Variants in MTMR10 observed in about 807,000 individuals in gnomAD.
The protein encoded by MTMR10 is myotubularin related protein 10.
Under a neutral mutation model 88.1 loss-of-function variants are expected in MTMR10, and 56 were observed. The observed-to-expected ratio is 0.64, with a 90% CI of 0.51 to 0.79. The LOEUF (loss-of-function observed/expected upper bound fraction) is 0.79. Among genes scored for constraint, MTMR10 ranks in the 30% least tolerant of loss-of-function variants. The pLI, the probability that MTMR10 is intolerant of heterozygous loss-of-function variation, is 0.00. For synonymous variants in MTMR10, 380 were observed against 340.9 expected (o/e 1.11, Z -1.26); for missense variants, 883 against 924.7 (o/e 0.95, Z 0.58).
chr15:30,987,684 T>A (rs1425616975), intron 2 of MTMR10, among the ~76,000 whole-genome samples: 2 of 99,220 alleles, frequency 2.0e-5, no homozygotes, highest in African/African-American at 5.4e-5. Flanking sequence ...TTAATTCTTT[T>A]TTTTTTTATT....
downstream of MTMR10, chr15:30,937,213 G>T (rs751013259): frequency 6.2e-7 from 1 of 1,614,138 alleles, no homozygotes; most frequent in Non-Finnish European, 8.5e-7. Context: ...GTAGAAGTCT[G>T]CCATGTGGTT....
chr15:30,935,445 AAG>A (rs2062826029), downstream of MTMR10, among the ~76,000 whole-genome samples: 1 of 152,220 alleles, frequency 6.6e-6, no homozygotes, highest in African/African-American at 2.4e-5. Flanking sequence ...ATTTGGAAAA[AAG>A]AAAAACAATA....
the MTMR10 span, chr15:30,927,091 C>A: frequency 1.1e-6 from 1 of 943,260 alleles, no homozygotes; most frequent in Non-Finnish European, 1.3e-6. Flanking sequence ...ACAGGAGGAT[C>A]ACTTGAACTC....
In MTMR10 at chr15:30,959,029, C is replaced by G. The variant is rs751127411; in HGVS notation, c.846+5G>C. The G allele has an allele frequency of 1.9e-6, 3 of 1,613,734 alleles. No individual in the cohort carries two copies. The highest frequency in any genetic ancestry group is 2.2e-5 in the South Asian group (2 of 91,070). ...CATTCATAAAATCCAACAGAAATCA[C>G]TTACTGGCATCCTTCTCCCAACAAA... On this transcript the variant is annotated splice_donor_5th_base_variant and intron_variant, in intron 8 of 15. Transcript: ENST00000435680.
In MTMR10 at chr15:30,948,409, A is replaced by T; in HGVS notation, c.1270T>A (p.Tyr424Asn). 1.2e-6 allele frequency: 2 copies of T among 1,613,346 alleles called. No individual in the cohort carries two copies. The highest frequency in any genetic ancestry group is 8.5e-7 in the Non-Finnish European group (1 of 1,179,532). Residue 424 changes from tyrosine to asparagine, a missense_variant, in exon 13 of 16, where the codon TAT (tyrosine) becomes AAT (asparagine). Physicochemically the swap from Tyr to Asn is moderately radical, Grantham distance 143. This residue lies in a region of MTMR10 where 126 missense variants were observed against 178.2 expected (regional missense o/e 0.71). Coordinates refer to ENST00000435680, the MANE Select transcript of MTMR10 (RefSeq NM_017762.3). ...ASLVQVMLDP[Y>N]FRTITGFQSL... ...TGAAATCCAGTAATTGTCCTAAAAT[A>T]GGGATCCAGCATCACTTGAACAAGA...
chr15:30,933,004 G>A, the MTMR10 span, among the ~76,000 whole-genome samples: 1 of 151,916 alleles, frequency 6.6e-6, no homozygotes, highest in Non-Finnish European at 1.5e-5. Flanking sequence ...ACAGGTGTGA[G>A]CCACCGCACA....
chr15:30,946,721 A>C (rs1440235029), intron 14 of MTMR10: 2 of 702,984 alleles, frequency 2.8e-6, no homozygotes, highest in South Asian at 1.5e-5. Context: ...TTGTGACCAG[A>C]AACTTCAAAC....
At position 30,940,593 on chromosome 15, in the gene MTMR10, G is replaced by A. The variant is rs887440090; in HGVS notation, c.*877C>T. On this transcript the variant is annotated 3_prime_UTR_variant, in exon 16 of 16. Coordinates refer to ENST00000435680, the MANE Select transcript of MTMR10 (RefSeq NM_017762.3). ...GCAAGCCTTGTTTGTTTTTGAGGGC[G>A]AGTTTTGGCATAGATGGCACTCTCC... 1.6e-5 allele frequency: 16 copies of A among 985,270 alleles called. No individual in the cohort carries two copies. In the East Asian group the frequency reaches 3.4e-4, roughly 21 times the overall value. 61.0% of individuals were successfully genotyped at this position (985,270 alleles called of 1,614,324 possible).
At chr15:30,933,577 T>C in the MTMR10 span, among the ~76,000 whole-genome samples, 1 of 152,226 alleles carries the variant, frequency 6.6e-6, no homozygotes, top group Non-Finnish European at 1.5e-5. Flanking sequence ...TGTTTGTACT[T>C]GAAAAGAATG....
intron 2 of MTMR10, 103 bp from the exon 3 acceptor site, chr15:30,977,058 T>C (rs897098183): frequency 1.2e-5 from 14 of 1,123,166 alleles, no homozygotes; most frequent in Non-Finnish European, 1.7e-5. Flanking sequence ...ATGAGGATAG[T>C]GAAAACATTC....
intron 14 of MTMR10, chr15:30,944,096 AG>A (rs1349105281): frequency 1.2e-6 from 1 of 837,498 alleles, no homozygotes; most frequent in African/African-American, 1.8e-5. Flanking sequence ...ACAAGAATAT[AG>A]CAGTCAGGAG....
At chr15:30,972,056 C>T (rs1015758366) in intron 5 of MTMR10, among the ~76,000 whole-genome samples, 1 of 152,074 alleles carries the variant, frequency 6.6e-6, no homozygotes, top group African/African-American at 2.4e-5. Flanking sequence ...TTAGGTATTT[C>T]AAAATGAATC....
intron 3 of MTMR10, among the ~76,000 whole-genome samples, chr15:30,975,420 G>T (rs1464251864): frequency 1.3e-5 from 2 of 151,988 alleles, no homozygotes; most frequent in South Asian, 2.1e-4. Context: ...ATTAGAAAAG[G>T]TTTTGCATGT....
chr15:30,974,866 T>G lies in MTMR10; in HGVS notation c.331+65A>C, dbSNP rs1027213636. The G allele has an allele frequency of 7.7e-6, 9 of 1,163,948 alleles. No homozygotes were observed. The East Asian group carries it at 2.3e-4, about 30-fold the overall frequency. The allele number at this position is 1,163,948 out of a possible 1,614,324, so 72.1% of individuals were successfully genotyped here. On this transcript the variant is annotated intron_variant, in intron 4 of 15. Coordinates refer to ENST00000435680, the MANE Select transcript of MTMR10 (RefSeq NM_017762.3). ...GCCAATCCAAGTATTTTGAGAGGTA[T>G]GACTTTTCAAATAATACTTCCAGAG...
the MTMR10 span, chr15:30,928,628 T>C: frequency 5.6e-6 from 9 of 1,613,598 alleles, no homozygotes; most frequent in Non-Finnish European, 7.6e-6. Flanking sequence ...ATGGATGGGA[T>C]TCCGGATGTC....
At chr15:30,955,781 A>G (rs532803761) in intron 9 of MTMR10, among the ~76,000 whole-genome samples, 3 of 152,268 alleles carry the variant, frequency 2.0e-5, no homozygotes, top group African/African-American at 7.2e-5. Context: ...ACCTATTCCC[A>G]CAGTCTTAAC....
At position 30,939,603 on chromosome 15, in the gene MTMR10, G is replaced by C. The variant is rs1360397482; in HGVS notation, c.*1867C>G. 1 of 928,348 alleles carries C rather than the reference G, an allele frequency of 1.1e-6. No individual in the cohort carries two copies. The highest frequency in any genetic ancestry group is 1.2e-4 in the East Asian group (1 of 8,528). The allele number at this position is 928,348 out of a possible 1,614,324, so 57.5% of individuals were successfully genotyped here. A position where few individuals can be genotyped will look rare whatever the true frequency, so the allele number is the denominator to read the frequency against. ...TTTCTATTTTTAACCATTATTAATA[G>C]TACCTAATATTTTTAAACTTGTAAA... On this transcript the variant is annotated 3_prime_UTR_variant, in exon 16 of 16. Coordinates refer to ENST00000435680, the MANE Select transcript of MTMR10 (RefSeq NM_017762.3).
chr15:30,990,934 A>C (rs1378312111), intron 1 of MTMR10, 97 bp from the exon 2 acceptor site: 2 of 942,822 alleles, frequency 2.1e-6, no homozygotes, highest in Non-Finnish European at 3.2e-6. Context: ...ACACATGCGA[A>C]AGACACACAG....
downstream of MTMR10, among the ~76,000 whole-genome samples, chr15:30,935,347 C>G (rs150216665): frequency 9.0e-4 from 137 of 152,130 alleles, no homozygotes; most frequent in Non-Finnish European, 1.7e-3. Flanking sequence ...ATTTCCATGT[C>G]TAGAAGTTCT....
Sources: allele counts gnomAD v4.1 joint callset (sites outside exome capture counted in the v4.1 genomes callset), GRCh38; gene constraint gnomAD v4.1.1; regional missense constraint gnomAD v4.1.1; transcripts MANE v1.5; gene names NCBI Gene and HGNC (gene_info 2026-07-23, HGNC 2026-07-21).